Variants in WDFY4 observed in about 807,000 individuals in gnomAD.
WDFY4 encodes the protein WDFY family member 4, also known as WD repeat- and FYVE domain-containing protein 4.
A neutral mutation model predicts 351.9 loss-of-function variants in WDFY4; 169 were observed. That is an observed-to-expected ratio of 0.48 (90% CI 0.42 to 0.55). The LOEUF (loss-of-function observed/expected upper bound fraction) is 0.55, where lower values mean the gene tolerates loss of function less well. Ranked by LOEUF, WDFY4 falls within the 20% of genes least tolerant of loss-of-function variation. WDFY4 has a pLI of 0.00. For missense variants in WDFY4, 3,803 were observed against 3,935.6 expected, an observed-to-expected ratio of 0.97 and a Z score of 0.90; for synonymous variants, 1,622 against 1,574.6, an observed-to-expected ratio of 1.03 and a Z score of -0.71.
At chr10:48,931,693 G>C (rs536076066) in intron 47 of WDFY4, among the ~76,000 whole-genome samples, 1 of 152,334 alleles carries the variant, frequency 6.6e-6, no homozygotes, top group African/African-American at 2.4e-5. Flanking sequence ...TTCAGAAAAT[G>C]CTGCAATGTC....
chr10:48,966,006 G>A (rs972676881), intron 54 of WDFY4, among the ~76,000 whole-genome samples: 3 of 152,162 alleles, frequency 2.0e-5, no homozygotes, highest in Non-Finnish European at 4.4e-5. Context: ...AGAGATTGGA[G>A]AAAAATAAGA....
At chr10:48,952,797 C>T (rs984122741) in intron 51 of WDFY4, among the ~76,000 whole-genome samples, 25 of 152,196 alleles carry the variant, frequency 1.6e-4, no homozygotes, top group African/African-American at 6.0e-4. Flanking sequence ...TCTGTGAGAG[C>T]AAGACCAAGG....
At position 48,709,716 on chromosome 10, in the gene WDFY4, A is replaced by T. The variant is rs1274457276; in HGVS notation, c.-17A>T. 1 of 1,551,300 alleles carries T rather than the reference A, an allele frequency of 6.4e-7. No homozygotes were observed. Among genetic ancestry groups the T allele is most frequent in the East Asian group, 2.4e-5 (1 of 40,938 alleles). ...TCACTTCTATTTGTTCTGAATTCAG[A>T]TCTGCTTTGCCACGGCATGGAGGCA... On this transcript the variant is annotated splice_region_variant and 5_prime_UTR_variant, in exon 2 of 62. Coordinates refer to ENST00000325239, the MANE Select transcript of WDFY4 (RefSeq NM_001394531.1).
At chr10:48,752,778 A>T (rs2065221736) in intron 12 of WDFY4, among the ~76,000 whole-genome samples, 1 of 152,220 alleles carries the variant, frequency 6.6e-6, no homozygotes, top group South Asian at 2.1e-4. Flanking sequence ...TTATCCATTC[A>T]TTTGTTGATG....
In WDFY4 at chr10:48,734,045, G is replaced by T. The variant is rs886288295; in HGVS notation, c.1687+10G>T. ...TCGGTGAGGAATGCAGGTAAGGATG[G>T]TGCCAAGTTTGCCTCATCACTGCTT... On this transcript the variant is annotated intron_variant, in intron 10 of 61. Transcript: ENST00000325239. 1.9e-6 allele frequency: 3 copies of T among 1,551,568 alleles called. No individual in the cohort carries two copies. Among genetic ancestry groups the T allele is most frequent in the African/African-American group, 2.7e-5 (2 of 73,032 alleles).
chr10:48,913,775 G>T, intron 47 of WDFY4: 1 of 1,614,086 alleles, frequency 6.2e-7, no homozygotes, highest in African/African-American at 1.3e-5. Context: ...TCAAGCCTAG[G>T]TTCACAGCGC....
chr10:48,728,168 C>A (rs2064331740), intron 7 of WDFY4, among the ~76,000 whole-genome samples: 1 of 152,240 alleles, frequency 6.6e-6, no homozygotes. Context: ...TGCTCTTGGA[C>A]TGGTTTCCTT....
At chr10:48,754,816 A>C (rs1309281121) in intron 12 of WDFY4, among the ~76,000 whole-genome samples, 2 of 152,170 alleles carry the variant, frequency 1.3e-5, no homozygotes, top group South Asian at 4.1e-4. Flanking sequence ...ACTCCTGAGC[A>C]CCTTAGCTAC....
At chr10:48,744,682 G>A (rs2064957242) in intron 12 of WDFY4, among the ~76,000 whole-genome samples, 1 of 152,174 alleles carries the variant, frequency 6.6e-6, no homozygotes, top group Non-Finnish European at 1.5e-5. Context: ...TAGCTAATGT[G>A]ACAGAACTTG....
chr10:48,848,554 G>A (rs1386406589), intron 39 of WDFY4, among the ~76,000 whole-genome samples: 1 of 151,996 alleles, frequency 6.6e-6, no homozygotes, highest in Non-Finnish European at 1.5e-5. Context: ...CTGACCCCTG[G>A]GGTATTTTAC....
At chr10:48,857,650 A>G (rs537454610) in intron 39 of WDFY4, among the ~76,000 whole-genome samples, 69 of 152,334 alleles carry the variant, frequency 4.5e-4, no homozygotes, top group African/African-American at 1.5e-3. Flanking sequence ...ATTAAAAGGC[A>G]TTAATATTAA....
intron 33 of WDFY4, 33 bp from the exon 34 acceptor site, chr10:48,821,029 G>T: frequency 6.7e-7 from 1 of 1,488,400 alleles, no homozygotes; most frequent in South Asian, 1.2e-5. Flanking sequence ...ATGGCCCTGT[G>T]GTTGCTGTCT....
chr10:48,774,848 AG>A (rs984734609), intron 14 of WDFY4, among the ~76,000 whole-genome samples, 176 bp downstream of exon 14: 2 of 152,224 alleles, frequency 1.3e-5, no homozygotes, highest in African/African-American at 2.4e-5. Context: ...GGCAGTGTGC[AG>A]GTGCCCACAA....
intron 11 of WDFY4, among the ~76,000 whole-genome samples, chr10:48,738,041 G>A (rs754967875): frequency 2.4e-4 from 36 of 152,172 alleles, no homozygotes; most frequent in Non-Finnish European, 2.2e-4. Context: ...CATGTTCAGC[G>A]TGACTGGCAT....
chr10:48,778,917 A>G (rs1453588396), intron 18 of WDFY4, 85 bp downstream of exon 18: 1 of 1,426,890 alleles, frequency 7.0e-7, no homozygotes, highest in Admixed American at 2.1e-5. Flanking sequence ...AGGTGTGGTT[A>G]GAAACCTGGT....
At chr10:48,793,873 T>G (rs1311607932) in intron 23 of WDFY4, among the ~76,000 whole-genome samples, 1 of 152,220 alleles carries the variant, frequency 6.6e-6, no homozygotes, top group Non-Finnish European at 1.5e-5. Context: ...AGCATAAACC[T>G]TCCTATCTGT....
chr10:48,905,693 C>T (rs568696716), intron 47 of WDFY4, among the ~76,000 whole-genome samples: 41 of 152,290 alleles, frequency 2.7e-4, no homozygotes, highest in African/African-American at 8.9e-4. Flanking sequence ...CAGCAAAATG[C>T]GGACACCCCG....
chr10:48,889,578 C>A (rs950402684), intron 43 of WDFY4, among the ~76,000 whole-genome samples: 1 of 152,238 alleles, frequency 6.6e-6, no homozygotes, highest in Middle Eastern at 3.4e-3. Context: ...AAATGCTGGC[C>A]TCGGCCTTAT....
intron 34 of WDFY4, among the ~76,000 whole-genome samples, chr10:48,821,792 T>C (rs922597756): frequency 6.6e-6 from 1 of 152,166 alleles, no homozygotes; most frequent in Non-Finnish European, 1.5e-5. Flanking sequence ...ATGGAGAGAC[T>C]GGAATGCAGG....
Sources: allele counts gnomAD v4.1 joint callset (sites outside exome capture counted in the v4.1 genomes callset), GRCh38; gene constraint gnomAD v4.1.1; transcripts MANE v1.5; gene names NCBI Gene and HGNC (gene_info 2026-07-23, HGNC 2026-07-21).